The following GUCY2C variants were observed in gnomAD, a reference collection of about 807,000 sequenced individuals.
The protein encoded by GUCY2C is guanylyl cyclase C.
A neutral mutation model predicts 131.1 loss-of-function variants in GUCY2C; 118 were observed. That is an observed-to-expected ratio of 0.90 (90% CI 0.78 to 1.05). The LOEUF is 1.05. Among genes scored for constraint, GUCY2C ranks in the 50% least tolerant of loss-of-function variants. The probability of loss-of-function intolerance (pLI) is 0.00; values close to 1 mark genes in which losing one functional copy is unlikely to be tolerated. For synonymous variants in GUCY2C, 452 were observed against 457.8 expected, an observed-to-expected ratio of 0.99 and a Z score of 0.16; for missense variants, 1,161 against 1,304.4, an observed-to-expected ratio of 0.89 and a Z score of 1.69.
Position 14,683,176 on chromosome 12 carries a change from C to T in GUCY2C, c.477G>A (p.Arg159=). The change falls in exon 4 of 27, where the codon AGG becomes AGA. Residue 159 remains arginine (R), a synonymous_variant. Transcript: ENST00000261170. ...LSCDYKETLT[R]LMSPARKLMY... is the part of the protein sequence containing the mutation. ...TCAACTTTCTAGCTGGAGACATCAG[C>T]CTGGTTAAGGTTTCTTTATAGTCAC... 6.2e-7 allele frequency: 1 copy of T among 1,613,480 alleles called. No individual in the cohort carries two copies. The highest frequency in any genetic ancestry group is 8.5e-7 in the Non-Finnish European group (1 of 1,179,508).
chr12:14,652,581 G>C (rs1947685425), intron 13 of GUCY2C, among the ~76,000 whole-genome samples: 1 of 152,164 alleles, frequency 6.6e-6, no homozygotes, highest in African/African-American at 2.4e-5. Context: ...GCAGAAGGGA[G>C]GGAGGGAAGA....
chr12:14,661,526 C>G (rs367636140), intron 10 of GUCY2C, among the ~76,000 whole-genome samples: 6 of 152,040 alleles, frequency 3.9e-5, no homozygotes, highest in East Asian at 1.9e-4. Context: ...GCAACCTCTG[C>G]CTCCCTGGTT....
Position 14,621,193 on chromosome 12 carries a change from GTAC to G in GUCY2C, c.2622_2624del (p.Tyr875del). On this transcript the variant is annotated inframe_deletion, in exon 23 of 27. Coordinates refer to ENST00000261170, the MANE Select transcript of GUCY2C (RefSeq NM_004963.4). ...TCTTAGGCAAACCACTAGCCACCAT[GTAC>G]GCATCACCGATGGTTTCCACCTGTG... 2 of 1,613,442 alleles carry G rather than the reference GTAC, an allele frequency of 1.2e-6. No individual in the cohort carries two copies. The highest frequency in any genetic ancestry group is 2.2e-5 in the South Asian group (2 of 91,054).
At chr12:14,620,509 A>G (rs920456878) in intron 23 of GUCY2C, among the ~76,000 whole-genome samples, 2 of 152,230 alleles carry the variant, frequency 1.3e-5, no homozygotes, top group Admixed American at 1.3e-4. Context: ...TTTAATATGC[A>G]TAAGCTTTTC....
At position 14,672,968 on chromosome 12, in the gene GUCY2C, G is replaced by A. The variant is rs369342368; in HGVS notation, c.1085-10C>T. 2.6e-6 allele frequency: 4 copies of A among 1,533,626 alleles called. No individual in the cohort carries two copies. In the African/African-American group the frequency reaches 4.1e-5, roughly 16 times the overall value. Reference sequence around the variant, plus strand: ...ACTGGACCGTCATACCCTAGGGCAAGATCAGAGTATGTTAGAGGCCATTCT... The same window carrying A: ...ACTGGACCGTCATACCCTAGGGCAAAATCAGAGTATGTTAGAGGCCATTCT... On this transcript the variant is annotated splice_polypyrimidine_tract_variant and intron_variant, in intron 8 of 26. Transcript: ENST00000261170.
At chr12:14,680,782 G>A (rs1036113963) in intron 5 of GUCY2C, among the ~76,000 whole-genome samples, 11 of 152,096 alleles carry the variant, frequency 7.2e-5, no homozygotes, top group African/African-American at 2.7e-4. Context: ...GGCAGTGTAC[G>A]CTGTACCCAA....
Position 14,616,675 on chromosome 12 carries a change from C to G in GUCY2C, c.2928G>C (p.Glu976Asp). 6.2e-7 allele frequency: 1 copy of G among 1,606,956 alleles called. No individual in the cohort carries two copies. The highest frequency in any genetic ancestry group is 1.1e-5 in the South Asian group (1 of 90,920). The part of the protein sequence containing the change: ...GSTIAILKRT[E>D]CQFLYEVRGE... ...CTCTCACTTCATAAAGGAACTGGCA[C>G]TCAGTTCTCTTCAGGATGGCTATGG... Residue 976 changes from glutamate to aspartate, a missense_variant, in exon 25 of 27, where the codon GAG becomes GAC. Transcript: ENST00000261170.
chr12:14,618,616 C>T lies in GUCY2C; in HGVS notation c.2875+595G>A, dbSNP rs566743009. On this transcript the variant is annotated intron_variant, in intron 24 of 26. Coordinates refer to ENST00000261170, the MANE Select transcript of GUCY2C (RefSeq NM_004963.4). Reference sequence around the variant, plus strand: ...AGGAGTTTGAGACCAGCCTGGGCAACATAGTGAGACCCAGTCTCTATTAAA... The same window carrying T: ...AGGAGTTTGAGACCAGCCTGGGCAATATAGTGAGACCCAGTCTCTATTAAA... 1.8e-4 allele frequency among the ~76,000 whole-genome samples: 27 copies of T among 152,206 alleles called. No individual in the cohort carries two copies. The South Asian group carries it at 5.4e-3, about 30-fold the overall frequency.
chr12:14,614,500 G>C (rs1434932413), intron 26 of GUCY2C: 2 of 189,824 alleles, frequency 1.1e-5, no homozygotes, highest in African/African-American at 4.7e-5. Flanking sequence ...TAAATAGTCT[G>C]TTCATTCTTC....
At chr12:14,649,914 G>T (rs572491486) in intron 15 of GUCY2C, among the ~76,000 whole-genome samples, 2 of 152,064 alleles carry the variant, frequency 1.3e-5, no homozygotes, top group East Asian at 3.9e-4. Flanking sequence ...TTATTTTTTT[G>T]AAACAGATTT....
Position 14,656,635 on chromosome 12 carries a change from C to G in GUCY2C, c.1365-18G>C, listed in dbSNP as rs1947768912. On this transcript the variant is annotated intron_variant, in intron 11 of 26. Transcript: ENST00000261170. Reference sequence around the variant, plus strand: ...TATATTTTCTGTGAAAGGAATAAAACTGGTCAATAGGTTTTTATTAATATC... The same window carrying G: ...TATATTTTCTGTGAAAGGAATAAAAGTGGTCAATAGGTTTTTATTAATATC... 2 of 1,222,106 alleles carry G rather than the reference C, an allele frequency of 1.6e-6. No homozygotes were observed. The highest frequency in any genetic ancestry group is 1.7e-5 in the Admixed American group (1 of 59,214). 75.7% of individuals were successfully genotyped at this position (1,222,106 alleles called of 1,614,324 possible).
intron 11 of GUCY2C, among the ~76,000 whole-genome samples, chr12:14,657,830 A>G (rs745458490): frequency 1.3e-5 from 2 of 152,138 alleles, no homozygotes; most frequent in Non-Finnish European, 2.9e-5. Context: ...GTATAGATGA[A>G]GCAGAATTCT....
chr12:14,612,826 G>C lies in GUCY2C; in HGVS notation c.*291C>G, dbSNP rs1009796721. The stretch of plus-strand genomic sequence containing the variant: ...AACAAACAAAAAATAAATGAAATAA[G>C]AATAAAATCTTCTCAAGTTCTAGAT... On this transcript the variant is annotated 3_prime_UTR_variant, in exon 27 of 27. Coordinates refer to ENST00000261170, the MANE Select transcript of GUCY2C (RefSeq NM_004963.4). 7.0e-6 allele frequency: 2 copies of C among 285,250 alleles called. No homozygotes were observed. The highest frequency in any genetic ancestry group is 1.3e-5 in the Non-Finnish European group (2 of 155,152). The allele number at this position is 285,250 out of a possible 1,614,324, so 17.7% of individuals were successfully genotyped here.
At chr12:14,688,299 TTATC>T (rs1313717425) in intron 1 of GUCY2C, among the ~76,000 whole-genome samples, 1 of 152,142 alleles carries the variant, frequency 6.6e-6, no homozygotes, top group Non-Finnish European at 1.5e-5. Context: ...GAGGTATAAT[TTATC>T]TATCATAAAA....
chr12:14,616,749 T>TA, intron 24 of GUCY2C, 22 bp from the exon 25 acceptor site: 1 of 1,418,026 alleles, frequency 7.1e-7, no homozygotes, highest in Non-Finnish European at 1.0e-6. Context: ...AATTGACAAA[T>TA]AAAAATCCCA....
intron 25 of GUCY2C, 112 bp from the exon 26 acceptor site, chr12:14,615,055 A>C: frequency 6.3e-5 from 35 of 558,374 alleles, no homozygotes; most frequent in Middle Eastern, 3.1e-4. Flanking sequence ...CGCATTTCTC[A>C]TCAGTGCCAA....
chr12:14,626,400 G>A (rs1947019030), intron 20 of GUCY2C, among the ~76,000 whole-genome samples: 1 of 152,158 alleles, frequency 6.6e-6, no homozygotes, highest in Admixed American at 6.5e-5. Flanking sequence ...ATGTTAAAAT[G>A]ATGGTAATCA....
chr12:14,622,042 C>T lies in GUCY2C; in HGVS notation c.2564G>A (p.Ser855Asn), dbSNP rs779095472. ...VVDMLNDIYK[S>N]FDHIVDHHDV... ...ATGATGATCAACAATGTGGTCAAAA[C>T]TCTTATAGATGTCATTAAGCATGTC... The change falls in exon 22 of 27, where the codon AGT (serine) becomes AAT (asparagine). Residue 855 changes from serine to asparagine, a missense_variant. Coordinates refer to ENST00000261170, the MANE Select transcript of GUCY2C (RefSeq NM_004963.4). The T allele has an allele frequency of 1.2e-6, 2 of 1,608,896 alleles. No homozygotes were observed. The highest frequency in any genetic ancestry group is 1.1e-5 in the South Asian group (1 of 89,998).
chr12:14,621,190 C>T lies in GUCY2C; in HGVS notation c.2628G>A (p.Met876Ile). 6.2e-7 allele frequency: 1 copy of T among 1,613,530 alleles called. No individual in the cohort carries two copies. The highest frequency in any genetic ancestry group is 8.5e-7 in the Non-Finnish European group (1 of 1,179,838). Residue 876 changes from methionine to isoleucine, a missense_variant, in exon 23 of 27, where the codon ATG (methionine) becomes ATA (isoleucine). By Grantham distance (10) the Met-to-Ile change is conservative (BLOSUM62 1). Transcript: ENST00000261170. ...YKVETIGDAY[M>I]VASGLPKRNG... ...TTCTCTTAGGCAAACCACTAGCCAC[C>T]ATGTACGCATCACCGATGGTTTCCA...
Sources: gnomAD v4.1 joint callset for allele counts (sites outside exome capture counted in the v4.1 genomes callset) on GRCh38, gnomAD v4.1.1 for gene constraint, MANE v1.5 for transcripts, NCBI Gene and HGNC (gene_info 2026-07-23, HGNC 2026-07-21) for gene names.